The following ANGPT1 variants were observed in gnomAD, a reference collection of about 807,000 sequenced individuals.
ANGPT1 encodes angiopoietin-1.
In ANGPT1, 17 loss-of-function variants were observed where a neutral mutation model predicts 62.2. That is an observed-to-expected ratio of 0.27 (90% CI 0.19 to 0.41). The LOEUF (loss-of-function observed/expected upper bound fraction) is 0.41. ANGPT1 is among the 10% of genes least tolerant of loss of function. The probability of loss-of-function intolerance (pLI) is 1.00; values close to 1 mark genes in which losing one functional copy is unlikely to be tolerated. For missense variants in ANGPT1, 478 were observed against 594.9 expected, an observed-to-expected ratio of 0.80 and a Z score of 2.04; for synonymous variants, 199 against 198.9, an observed-to-expected ratio of 1.00 and a Z score of 0.00.
At chr8:107,433,608 C>A (rs1031887105) in intron 1 of ANGPT1, among the ~76,000 whole-genome samples, 3 of 152,170 alleles carry the variant, frequency 2.0e-5, no homozygotes. Context: ...CAATTTATTT[C>A]AGCTATTATG....
At chr8:107,263,604 TTC>T (rs1325400155) in intron 8 of ANGPT1, among the ~76,000 whole-genome samples, 2 of 152,032 alleles carry the variant, frequency 1.3e-5, no homozygotes, top group Admixed American at 1.3e-4. Context: ...AATTGAGAAT[TTC>T]TCTGTGGGGC....
At chr8:107,384,623 A>G (rs1816699167) in intron 1 of ANGPT1, among the ~76,000 whole-genome samples, 2 of 152,178 alleles carry the variant, frequency 1.3e-5, no homozygotes, top group East Asian at 1.9e-4. Context: ...GTAGTATTTT[A>G]TTGGGGACTT....
At chr8:107,305,417 A>G (rs1045727103) in intron 4 of ANGPT1, among the ~76,000 whole-genome samples, 1 of 151,852 alleles carries the variant, frequency 6.6e-6, no homozygotes, top group Non-Finnish European at 1.5e-5. Context: ...CTTGTCTGCC[A>G]TCTCTCCTCC....
chr8:107,333,212 A>C (rs1210790045), intron 3 of ANGPT1, among the ~76,000 whole-genome samples: 1 of 152,134 alleles, frequency 6.6e-6, no homozygotes, highest in Non-Finnish European at 1.5e-5. Flanking sequence ...TTAAGAACAG[A>C]TGTTCTGCCA....
chr8:107,432,143 TA>T (rs529344726), intron 1 of ANGPT1, among the ~76,000 whole-genome samples: 8,424 of 143,124 alleles, frequency 0.059, 755 homozygotes, highest in African/African-American at 0.19. Context: ...CATGCAATTA[TA>T]AAAAAAAAAA....
At chr8:107,298,804 G>A (rs1204920875) in intron 5 of ANGPT1, among the ~76,000 whole-genome samples, 1 of 151,628 alleles carries the variant, frequency 6.6e-6, no homozygotes, top group Non-Finnish European at 1.5e-5. Flanking sequence ...CATATTTGAT[G>A]CTTCGGTTTT....
intron 1 of ANGPT1, among the ~76,000 whole-genome samples, chr8:107,431,404 T>A (rs1327131231): frequency 6.6e-5 from 10 of 152,196 alleles, no homozygotes; most frequent in Middle Eastern, 3.2e-3. Context: ...CCAATAGGTT[T>A]AGTAACTGAG....
intron 1 of ANGPT1, among the ~76,000 whole-genome samples, chr8:107,478,915 T>G (rs1812603893): frequency 6.6e-6 from 1 of 152,174 alleles, no homozygotes; most frequent in Non-Finnish European, 1.5e-5. Context: ...TAGCTATTAT[T>G]TCAGTTATTC....
chr8:107,322,027 T>C lies in ANGPT1; in HGVS notation c.677A>G (p.Gln226Arg). The change falls in exon 4 of 9, where the codon CAA becomes CGA. Residue 226 changes from glutamine to arginine, a missense_variant. Physicochemically the swap from Gln to Arg is conservative, Grantham distance 43. Around this residue, in one of 4 missense-constraint regions of ANGPT1, gnomAD observed 343 missense variants for 355.4 expected, o/e 0.97. Transcript: ENST00000517746. Reference protein sequence around the residue: ...KENLQGLVTRQTYIIQELEKQ... With the variant: ...KENLQGLVTRRTYIIQELEKQ... ...TTCCAGCTCCTGGATTATATATGTT[T>C]GACGAGTAACCAAGCCTTGAAGGTT... The C allele has an allele frequency of 1.2e-6, 2 of 1,613,992 alleles. No homozygotes were observed. The highest frequency in any genetic ancestry group is 8.5e-7 in the Non-Finnish European group (1 of 1,179,914).
intron 3 of ANGPT1, among the ~76,000 whole-genome samples, chr8:107,328,461 T>C (rs1292372416): frequency 1.3e-5 from 2 of 150,662 alleles, no homozygotes; most frequent in African/African-American, 4.9e-5. Flanking sequence ...AACCAGCAAC[T>C]AAGAAAAAAA....
intron 1 of ANGPT1, among the ~76,000 whole-genome samples, chr8:107,454,025 A>G (rs1419335024): frequency 2.0e-5 from 3 of 152,060 alleles, no homozygotes; most frequent in Admixed American, 2.0e-4. Context: ...CATTTAGCAT[A>G]CCAAGATTTT....
Position 107,293,815 on chromosome 8 carries a change from G to A in ANGPT1, c.1038+121C>T, listed in dbSNP as rs1007209046. 5.9e-6 allele frequency: 4 copies of A among 679,866 alleles called. No individual in the cohort carries two copies. The Admixed American group carries it at 1.2e-4, about 21-fold the overall frequency. The allele number at this position is 679,866 out of a possible 1,614,324, so 42.1% of individuals were successfully genotyped here. On this transcript the variant is annotated intron_variant, in intron 6 of 8. Coordinates refer to ENST00000517746, the MANE Select transcript of ANGPT1 (RefSeq NM_001146.5). ...TGTGTCTAATGAAAATAATACTAAT[G>A]TATCATTTTATGTCAAAAATAACTC... is the stretch of plus-strand genomic sequence containing the variant.
At chr8:107,384,284 A>C (rs558090320) in intron 1 of ANGPT1, among the ~76,000 whole-genome samples, 1 of 152,136 alleles carries the variant, frequency 6.6e-6, no homozygotes, top group Non-Finnish European at 1.5e-5. Context: ...CTAAATATAC[A>C]TACAGGATTA....
At chr8:107,308,572 A>G (rs539149016) in intron 4 of ANGPT1, among the ~76,000 whole-genome samples, 1 of 152,314 alleles carries the variant, frequency 6.6e-6, no homozygotes, top group South Asian at 2.1e-4. Context: ...CCAGGTGGAC[A>G]CCAGGAAGGC....
chr8:107,328,475 A>T (rs944189272), intron 3 of ANGPT1, among the ~76,000 whole-genome samples: 1 of 152,062 alleles, frequency 6.6e-6, no homozygotes, highest in Non-Finnish European at 1.5e-5. Context: ...AAAAAAAAAG[A>T]TTGATACATT....
Position 107,304,044 on chromosome 8 carries a change from T to G in ANGPT1, c.809-677A>C, listed in dbSNP as rs368492839. 4.6e-5 allele frequency among the ~76,000 whole-genome samples: 7 copies of G among 151,884 alleles called. No individual in the cohort carries two copies. The East Asian group carries it at 1.3e-3, about 29-fold the overall frequency. ...AAACTTTACTTTGTTCTTTCTTTAA[T>G]GCCCTAAAGTTAAATCATCAGGCAG... is the stretch of plus-strand genomic sequence containing the variant. On this transcript the variant is annotated intron_variant, in intron 4 of 8. Transcript: ENST00000517746.
chr8:107,296,850 A>G (rs1814428064), intron 5 of ANGPT1, among the ~76,000 whole-genome samples: 1 of 152,088 alleles, frequency 6.6e-6, no homozygotes, highest in African/African-American at 2.4e-5. Flanking sequence ...CTCAGGGAAA[A>G]GAATCACTAC....
At chr8:107,260,982 TTA>T (rs1314350668) in intron 8 of ANGPT1, among the ~76,000 whole-genome samples, 21 of 152,326 alleles carry the variant, frequency 1.4e-4, no homozygotes, top group African/African-American at 4.6e-4. Flanking sequence ...ATTTTCATTA[TTA>T]TGACAGAAAT....
At chr8:107,258,083 C>G (rs1434797086) in intron 8 of ANGPT1, among the ~76,000 whole-genome samples, 2 of 151,672 alleles carry the variant, frequency 1.3e-5, no homozygotes, top group African/African-American at 2.4e-5. Context: ...TTTACCTCCT[C>G]TCTTCTCCCT....
Sources: gnomAD v4.1 joint callset for allele counts (sites outside exome capture counted in the v4.1 genomes callset) on GRCh38, gnomAD v4.1.1 for gene constraint, gnomAD v4.1.1 regional missense constraint, MANE v1.5 for transcripts, NCBI Gene and HGNC (gene_info 2026-07-23, HGNC 2026-07-21) for gene names.